The following NEGR1 variants were observed in gnomAD, a reference collection of about 807,000 sequenced individuals.
NEGR1 encodes the protein neuronal growth regulator 1.
In NEGR1, 10 loss-of-function variants were observed where a neutral mutation model predicts 40.9. The observed-to-expected ratio is 0.24, with a 90% CI of 0.15 to 0.42. The LOEUF (loss-of-function observed/expected upper bound fraction) is 0.42, where lower values mean the gene tolerates loss of function less well. Ranked by LOEUF, NEGR1 falls within the 10% of genes least tolerant of loss-of-function variation. NEGR1 has a pLI of 1.00. For synonymous variants in NEGR1, 185 were observed against 166.8 expected (o/e 1.11, Z -0.84); for missense variants, 352 against 438.9 (o/e 0.80, Z 1.77).
intron 3 of NEGR1, among the ~76,000 whole-genome samples, chr1:71,770,396 T>C (rs1656275555): frequency 6.6e-6 from 1 of 152,220 alleles, no homozygotes; most frequent in African/African-American, 2.4e-5. Context: ...CTTATTGTGG[T>C]TTAGAAGAAT....
chr1:71,924,608 G>T (rs1409028484), intron 2 of NEGR1, among the ~76,000 whole-genome samples: 2 of 152,110 alleles, frequency 1.3e-5, no homozygotes, highest in Non-Finnish European at 2.9e-5. Context: ...TGTAACTGTT[G>T]GCTCTTTTTA....
At chr1:71,905,096 T>G (rs918541919) in intron 2 of NEGR1, among the ~76,000 whole-genome samples, 1 of 152,152 alleles carries the variant, frequency 6.6e-6, no homozygotes, top group Non-Finnish European at 1.5e-5. Flanking sequence ...TAGCTCTGTC[T>G]TAAGCATAAA....
chr1:71,535,253 C>A (rs1342514577), intron 6 of NEGR1, among the ~76,000 whole-genome samples: 1 of 151,554 alleles, frequency 6.6e-6, no homozygotes, highest in Non-Finnish European at 1.5e-5. Flanking sequence ...TCAATTTCCT[C>A]GACTGTTTGG....
chr1:71,991,807 T>TTTGC lies in NEGR1; in HGVS notation c.177-56497_177-56496insGCAA, dbSNP rs1358799830. Among the ~76,000 whole-genome samples the TTTGC allele has an allele frequency of 3.3e-5, 5 of 151,976 alleles. 1 individual carries two copies. Among genetic ancestry groups the TTTGC allele is most frequent in the Admixed American group, 2.0e-4 (3 of 15,268 alleles). On this transcript the variant is annotated intron_variant, in intron 1 of 6. Transcript: ENST00000357731. ...ATTTGTTTGTTTGTTTGTTTGTTTG[T>TTTGC]TTGAGACAGAGCCTTGCTCTGTGGC...
At chr1:72,002,753 T>C (rs1646568792) in intron 1 of NEGR1, among the ~76,000 whole-genome samples, 1 of 152,182 alleles carries the variant, frequency 6.6e-6, no homozygotes. Flanking sequence ...TGTAAATCAA[T>C]ACTAACTTTC....
chr1:71,861,395 AG>A (rs1222399335), intron 2 of NEGR1, among the ~76,000 whole-genome samples: 1 of 151,976 alleles, frequency 6.6e-6, no homozygotes, highest in Non-Finnish European at 1.5e-5. Flanking sequence ...CTTTTTCCCT[AG>A]GGGTAGTTTT....
chr1:72,025,344 A>C (rs1646797896), intron 1 of NEGR1, among the ~76,000 whole-genome samples: 1 of 152,208 alleles, frequency 6.6e-6, no homozygotes, highest in Admixed American at 6.5e-5. Context: ...ATTAGAGCAT[A>C]GGTGTTTCCA....
intron 1 of NEGR1, among the ~76,000 whole-genome samples, chr1:72,200,660 A>T (rs72941247): frequency 0.013 from 1,978 of 152,042 alleles, 34 homozygotes; most frequent in African/African-American, 0.044. Flanking sequence ...AGAAAAGAAA[A>T]GAAAAGTGTC....
chr1:71,675,171 G>A (rs1160354133), intron 4 of NEGR1, among the ~76,000 whole-genome samples: 2 of 98,852 alleles, frequency 2.0e-5, no homozygotes, highest in Non-Finnish European at 4.3e-5. Context: ...TAAAGCAGGT[G>A]TTAGCATGCC....
intron 6 of NEGR1, chr1:71,476,877 C>T (rs561188764): frequency 6.6e-6 from 1 of 152,002 alleles, no homozygotes; most frequent in Non-Finnish European, 1.5e-5. Context: ...TAAAGCATAA[C>T]CAGGAGTACA....
intron 2 of NEGR1, among the ~76,000 whole-genome samples, chr1:71,871,154 T>G (rs1570451964): frequency 6.6e-6 from 1 of 152,154 alleles, no homozygotes; most frequent in African/African-American, 2.4e-5. Flanking sequence ...TCATCAACGT[T>G]TCAGTGACTT....
chr1:71,617,719 AT>A (rs1442856519), intron 4 of NEGR1, among the ~76,000 whole-genome samples: 1 of 152,192 alleles, frequency 6.6e-6, no homozygotes, highest in Non-Finnish European at 1.5e-5. Flanking sequence ...TGTGATTAAA[AT>A]TACCAACCAG....
chr1:72,019,610 G>C lies in NEGR1; in HGVS notation c.177-84299C>G, dbSNP rs535271162. 2.6e-4 allele frequency among the ~76,000 whole-genome samples: 40 copies of C among 152,238 alleles called. 1 individual carries two copies. Among genetic ancestry groups the C allele is most frequent in the South Asian group, 1.5e-3 (7 of 4,814 alleles). On this transcript the variant is annotated intron_variant, in intron 1 of 6. Coordinates refer to ENST00000357731, the MANE Select transcript of NEGR1 (RefSeq NM_173808.3). ...AAGTAGAAACTTTGAGATAGTAAAG[G>C]CATTTCAAAATTGGCTTTGTCTTAA...
intron 3 of NEGR1, among the ~76,000 whole-genome samples, chr1:71,731,990 A>G (rs535764099): frequency 3.5e-4 from 53 of 152,260 alleles, no homozygotes; most frequent in African/African-American, 1.1e-3. Flanking sequence ...TCCAGTTTTC[A>G]TGAGGCATTG....
At chr1:71,545,320 C>T (rs569144593) in intron 6 of NEGR1, among the ~76,000 whole-genome samples, 18 of 151,680 alleles carry the variant, frequency 1.2e-4, no homozygotes, top group African/African-American at 4.3e-4. Context: ...CACACCCCTC[C>T]TTTTTTAGGA....
intron 1 of NEGR1, among the ~76,000 whole-genome samples, chr1:72,268,461 G>C (rs1655726103): frequency 6.6e-6 from 1 of 151,372 alleles, no homozygotes; most frequent in South Asian, 2.1e-4. Flanking sequence ...CAGTGTTTAA[G>C]AATATAGACT....
At chr1:71,542,533 C>T (rs1647746017) in intron 6 of NEGR1, among the ~76,000 whole-genome samples, 1 of 151,690 alleles carries the variant, frequency 6.6e-6, no homozygotes, top group African/African-American at 2.4e-5. Context: ...CCATCAGTTC[C>T]TCCTATTGAG....
chr1:72,063,416 G>A (rs1306049450), intron 1 of NEGR1, among the ~76,000 whole-genome samples: 3 of 151,856 alleles, frequency 2.0e-5, no homozygotes, highest in African/African-American at 7.2e-5. Context: ...CGGCGTAATG[G>A]AAATAAAAGT....
At chr1:72,252,248 G>C (rs1172320708) in intron 1 of NEGR1, among the ~76,000 whole-genome samples, 1 of 151,816 alleles carries the variant, frequency 6.6e-6, no homozygotes, top group East Asian at 1.9e-4. Context: ...TTCTCCATGT[G>C]GGTCAGGCTG....
Sources: allele counts gnomAD v4.1 joint callset (sites outside exome capture counted in the v4.1 genomes callset), GRCh38; gene constraint gnomAD v4.1.1; transcripts MANE v1.5; gene names NCBI Gene and HGNC (gene_info 2026-07-23, HGNC 2026-07-21).